PTPRT: variants seen among roughly 807,000 people sequenced by gnomAD.
PTPRT encodes the protein receptor-type tyrosine-protein phosphatase T.
Under a neutral mutation model 176.8 loss-of-function variants are expected in PTPRT, and 56 were observed. The ratio of observed to expected loss-of-function variants is 0.32; its 90% CI spans 0.26 to 0.40. PTPRT has a LOEUF of 0.40. PTPRT is among the 10% of genes least tolerant of loss of function. PTPRT has a pLI of 1.00. For synonymous variants in PTPRT, 783 were observed against 739.0 expected (o/e 1.06, Z -0.96); for missense variants, 1,540 against 1,908.2 (o/e 0.81, Z 3.60).
the PTPRT span, among the ~76,000 whole-genome samples, chr20:42,032,950 TGAGAA>T: frequency 5.3e-5 from 8 of 152,292 alleles, no homozygotes; most frequent in Non-Finnish European, 8.8e-5. Flanking sequence ...AGTTGAGACT[TGAGAA>T]GAGGGTAGAT....
At position 43,017,989 on chromosome 20, in the gene PTPRT, C is replaced by A. The variant is rs556017714; in HGVS notation, c.89-132057G>T. ...ACTAGAGAAGTGTCACAGGTGGTAT[C>A]TGCCTAACGTGCCTGGATGTGTCGG... On this transcript the variant is annotated intron_variant, in intron 1 of 30. Coordinates refer to ENST00000373187, the MANE Select transcript of PTPRT (RefSeq NM_007050.6). Among the ~76,000 whole-genome samples the A allele has an allele frequency of 7.9e-5, 12 of 152,322 alleles. No individual in the cohort carries two copies. In the East Asian group the frequency reaches 2.3e-3, roughly 29 times the overall value.
At chr20:42,681,012 G>A (rs1180067650) in intron 6 of PTPRT, among the ~76,000 whole-genome samples, 1 of 152,146 alleles carries the variant, frequency 6.6e-6, no homozygotes, top group Non-Finnish European at 1.5e-5. Context: ...TCAGATTATT[G>A]TGTGCTTTAT....
At chr20:42,952,891 C>A (rs1353590077) in intron 1 of PTPRT, among the ~76,000 whole-genome samples, 2 of 152,110 alleles carry the variant, frequency 1.3e-5, no homozygotes, top group African/African-American at 4.8e-5. Flanking sequence ...ACAGCAGGTA[C>A]CTAATAAATG....
At chr20:42,293,453 G>C (rs1403823698) in intron 12 of PTPRT, among the ~76,000 whole-genome samples, 2 of 152,082 alleles carry the variant, frequency 1.3e-5, no homozygotes, top group Admixed American at 6.5e-5. Context: ...TTCACTACCT[G>C]TTCTTTATCC....
chr20:42,305,177 A>G (rs2057526266), intron 12 of PTPRT, among the ~76,000 whole-genome samples: 1 of 151,890 alleles, frequency 6.6e-6, no homozygotes, highest in East Asian at 1.9e-4. Context: ...ACATGGTGAA[A>G]ACCCATCTCT....
chr20:42,426,930 C>T (rs1199162758), intron 9 of PTPRT, among the ~76,000 whole-genome samples: 1 of 152,112 alleles, frequency 6.6e-6, no homozygotes, highest in Non-Finnish European at 1.5e-5. Flanking sequence ...GAGATCCCAA[C>T]CAGGGCAAAG....
chr20:43,182,150 G>T (rs76294326), intron 1 of PTPRT, among the ~76,000 whole-genome samples: 6,482 of 152,226 alleles, frequency 0.043, 190 homozygotes, highest in Non-Finnish European at 0.066. Context: ...CCACCCACCA[G>T]GAGGTCAGGG....
At chr20:42,832,115 A>G (rs2078099740) in intron 2 of PTPRT, among the ~76,000 whole-genome samples, 1 of 152,252 alleles carries the variant, frequency 6.6e-6, no homozygotes, top group Non-Finnish European at 1.5e-5. Flanking sequence ...TAGCAAAGAC[A>G]TGAAATCAAC....
At chr20:42,862,293 T>C (rs2145796198) in intron 2 of PTPRT, among the ~76,000 whole-genome samples, 1 of 152,254 alleles carries the variant, frequency 6.6e-6, no homozygotes, top group East Asian at 1.9e-4. Context: ...TATCTGAGAC[T>C]CATCTCTATA....
intron 9 of PTPRT, among the ~76,000 whole-genome samples, chr20:42,396,838 G>A (rs1207835622): frequency 1.3e-5 from 2 of 152,190 alleles, no homozygotes; most frequent in South Asian, 2.1e-4. Context: ...GACTATAGGC[G>A]TGAGCCACTG....
intron 19 of PTPRT, among the ~76,000 whole-genome samples, chr20:42,125,181 T>C (rs993409955): frequency 9.9e-5 from 15 of 152,220 alleles, no homozygotes; most frequent in African/African-American, 3.1e-4. Context: ...TGGTTTCTCT[T>C]AATCCTGTTC....
chr20:42,754,168 T>C (rs150029075), intron 6 of PTPRT, among the ~76,000 whole-genome samples: 118 of 149,780 alleles, frequency 7.9e-4, no homozygotes, highest in African/African-American at 2.8e-3. Context: ...AATACAAATA[T>C]AATAATAATA....
At chr20:42,821,085 C>A (rs1027892533) in intron 2 of PTPRT, among the ~76,000 whole-genome samples, 2 of 152,128 alleles carry the variant, frequency 1.3e-5, no homozygotes, top group African/African-American at 2.4e-5. Context: ...CATCCTGATA[C>A]CAAAACCAGG....
chr20:43,059,082 C>T (rs551515168), intron 1 of PTPRT, among the ~76,000 whole-genome samples: 3 of 152,318 alleles, frequency 2.0e-5, no homozygotes, highest in African/African-American at 7.2e-5. Context: ...CACTCTGAGC[C>T]TATGATGGCA....
intron 2 of PTPRT, among the ~76,000 whole-genome samples, chr20:42,808,089 C>T (rs11699751): frequency 0.38 from 58,397 of 152,042 alleles, 12,909 homozygotes; most frequent in Non-Finnish European, 0.5. Context: ...GGGTTGAAAG[C>T]CTCAGCCAGT....
chr20:42,777,409 C>A (rs1313879058), intron 4 of PTPRT, among the ~76,000 whole-genome samples: 2 of 152,138 alleles, frequency 1.3e-5, no homozygotes, highest in Non-Finnish European at 2.9e-5. Flanking sequence ...CTGTGAACTC[C>A]CTCCTGTGAT....
At chr20:42,891,946 T>C (rs955366043) in intron 1 of PTPRT, among the ~76,000 whole-genome samples, 5 of 152,262 alleles carry the variant, frequency 3.3e-5, no homozygotes, top group African/African-American at 4.8e-5. Context: ...CTGTCACAAC[T>C]ACTCAGTTCT....
intron 1 of PTPRT, among the ~76,000 whole-genome samples, chr20:42,920,015 G>A (rs1446281202): frequency 6.6e-6 from 1 of 152,172 alleles, no homozygotes; most frequent in African/African-American, 2.4e-5. Flanking sequence ...CATCAAAGCG[G>A]GGTGGTGAGC....
Position 42,265,785 on chromosome 20 carries a change from C to T in PTPRT, c.2176+16704G>A, listed in dbSNP as rs189201252. The stretch of plus-strand genomic sequence containing the variant: ...GGCCCAGGGCATGACCCTAGGGAGA[C>T]TGCTGCCTTGCTTCATCATCTTCTC... On this transcript the variant is annotated intron_variant, in intron 13 of 30. Transcript: ENST00000373187. Among the ~76,000 whole-genome samples the T allele has an allele frequency of 1.2e-3, 179 of 152,314 alleles. 1 individual carries two copies. Among genetic ancestry groups the T allele is most frequent in the African/African-American group, 3.2e-3 (133 of 41,572 alleles).
Sources: allele counts gnomAD v4.1 joint callset (sites outside exome capture counted in the v4.1 genomes callset), GRCh38; gene constraint gnomAD v4.1.1; transcripts MANE v1.5; gene names NCBI Gene and HGNC (gene_info 2026-07-23, HGNC 2026-07-21).